Variants in PPM1D observed in about 807,000 individuals in gnomAD.
PPM1D encodes the protein protein phosphatase, Mg2+/Mn2+ dependent 1D.
Under a neutral mutation model 58.3 loss-of-function variants are expected in PPM1D, and 52 were observed. The observed-to-expected ratio is 0.89, with a 90% CI of 0.71 to 1.12. PPM1D has a LOEUF of 1.12. PPM1D is among the 50% of genes most tolerant of loss of function. The probability of loss-of-function intolerance (pLI) is 0.00; values close to 1 mark genes in which losing one functional copy is unlikely to be tolerated. For synonymous variants in PPM1D, 278 were observed against 285.1 expected (o/e 0.98, Z 0.25); for missense variants, 564 against 777.2 (o/e 0.73, Z 3.26).
rs777184643 is a variant in PPM1D at position 60,663,082 on chromosome 17, T to A, written c.1348T>A (p.Leu450Ile). ...VRSNAFSENF[L>I]EVSAEIAREN... Reference sequence around the variant, plus strand: ...TAGCAATGCCTTCTCAGAGAATTTTTTAGAGGTTTCAGCTGAGATAGCTCG... The same window carrying A: ...TAGCAATGCCTTCTCAGAGAATTTTATAGAGGTTTCAGCTGAGATAGCTCG... Residue 450 changes from leucine to isoleucine, a missense_variant, in exon 6 of 6, where the codon TTA becomes ATA. Coordinates refer to ENST00000305921, the MANE Select transcript of PPM1D (RefSeq NM_003620.4). The A allele has an allele frequency of 1.2e-6, 2 of 1,614,158 alleles. No individual in the cohort carries two copies. Among genetic ancestry groups the A allele is most frequent in the Non-Finnish European group, 1.7e-6 (2 of 1,179,984 alleles).
chr17:60,610,708 A>T (rs2030436968), intron 1 of PPM1D, among the ~76,000 whole-genome samples: 1 of 152,180 alleles, frequency 6.6e-6, no homozygotes, highest in Non-Finnish European at 1.5e-5. Flanking sequence ...AATAGTTGTG[A>T]CAGATACCAT....
chr17:60,612,424 A>G lies in PPM1D; in HGVS notation c.473-11097A>G, dbSNP rs181224398. Among the ~76,000 whole-genome samples the G allele has an allele frequency of 4.4e-3, 610 of 139,296 alleles. 3 individuals are homozygous for G. Among genetic ancestry groups the G allele is most frequent in the Middle Eastern group, 7.1e-3 (2 of 280 alleles). 91.4% of individuals were successfully genotyped at this position (139,296 alleles called of 152,430 possible). A position where few individuals can be genotyped will look rare whatever the true frequency, so the allele number is the denominator to read the frequency against. On this transcript the variant is annotated intron_variant, in intron 1 of 5. Coordinates refer to ENST00000305921, the MANE Select transcript of PPM1D (RefSeq NM_003620.4). ...ATAGCCTACTGCACACCTAGATTGT[A>G]TATAGCGTGTTGCTCCTAGGCTACA... is the stretch of plus-strand genomic sequence containing the variant.
rs570251198 is a variant in PPM1D at position 60,610,592 on chromosome 17, G to T, written c.472+9706G>T. Among the ~76,000 whole-genome samples the T allele has an allele frequency of 1.5e-3, 227 of 152,220 alleles. 1 individual carries two copies. Among genetic ancestry groups the T allele is most frequent in the African/African-American group, 5.2e-3 (217 of 41,506 alleles). On this transcript the variant is annotated intron_variant, in intron 1 of 5. Coordinates refer to ENST00000305921, the MANE Select transcript of PPM1D (RefSeq NM_003620.4). Reference sequence around the variant, plus strand: ...AAAGTAAAGCCTACAGGCCGCATTGGGCTACCACCAATTTTTGTAGATAAA... The same window carrying T: ...AAAGTAAAGCCTACAGGCCGCATTGTGCTACCACCAATTTTTGTAGATAAA...
At chr17:60,640,411 A>G (rs961293620) in intron 3 of PPM1D, among the ~76,000 whole-genome samples, 11 of 152,230 alleles carry the variant, frequency 7.2e-5, no homozygotes, top group African/African-American at 2.7e-4. Context: ...TTGTGGTAAT[A>G]TATGCTTAGC....
In PPM1D at chr17:60,600,722, T is replaced by C; in HGVS notation, c.308T>C (p.Val103Ala). 6.2e-7 allele frequency: 1 copy of C among 1,609,806 alleles called. No homozygotes were observed. Among genetic ancestry groups the C allele is most frequent in the Non-Finnish European group, 8.5e-7 (1 of 1,178,684 alleles). Residue 103 changes from valine (V) to alanine (A), a missense_variant, in exon 1 of 6, where the codon GTG becomes GCG. This residue lies in a region of PPM1D where 132 missense variants were observed against 150.4 expected (regional missense o/e 0.88). Transcript: ENST00000305921. ...CGTTCCTCCGTGGCCTTTTTCGCCG[T>C]GTGCGACGGGCACGGCGGGCGGGAG... ...RRRSSVAFFA[V>A]CDGHGGREAA...
chr17:60,655,824 C>T (rs1418359678), intron 4 of PPM1D, among the ~76,000 whole-genome samples: 1 of 151,812 alleles, frequency 6.6e-6, no homozygotes, highest in Non-Finnish European at 1.5e-5. Context: ...GCCTCAGCCT[C>T]CTGAGTAGCT....
chr17:60,661,143 T>G (rs773961657), intron 5 of PPM1D, among the ~76,000 whole-genome samples: 2 of 136,888 alleles, frequency 1.5e-5, no homozygotes, highest in Non-Finnish European at 3.0e-5. Context: ...CCCTTGAACC[T>G]GGGAGGCAGA....
chr17:60,658,789 C>G (rs1450360763), intron 5 of PPM1D, among the ~76,000 whole-genome samples: 1 of 151,874 alleles, frequency 6.6e-6, no homozygotes, highest in Non-Finnish European at 1.5e-5. Flanking sequence ...TGGTGAAACC[C>G]CATCTCTACT....
At chr17:60,621,143 G>A (rs966838772) in intron 1 of PPM1D, among the ~76,000 whole-genome samples, 1 of 151,804 alleles carries the variant, frequency 6.6e-6, no homozygotes, top group African/African-American at 2.4e-5. Flanking sequence ...GGTTGGTCTC[G>A]AACTCCTGAC....
intron 1 of PPM1D, among the ~76,000 whole-genome samples, chr17:60,609,560 G>C (rs1302184347): frequency 6.6e-6 from 1 of 152,110 alleles, no homozygotes; most frequent in Non-Finnish European, 1.5e-5. Context: ...TGTGCTGTTG[G>C]GAGTAGCATG....
chr17:60,624,230 G>T (rs949200085), intron 2 of PPM1D, among the ~76,000 whole-genome samples: 1 of 152,120 alleles, frequency 6.6e-6, no homozygotes, highest in Non-Finnish European at 1.5e-5. Flanking sequence ...AACTGAAATT[G>T]ATTTCAATTT....
chr17:60,648,840 T>G (rs922568143), intron 4 of PPM1D, among the ~76,000 whole-genome samples: 4 of 150,366 alleles, frequency 2.7e-5, no homozygotes, highest in African/African-American at 9.9e-5. Flanking sequence ...CTCAGCTCAC[T>G]CTAACCTCTG....
chr17:60,625,040 G>A (rs1447111123), intron 2 of PPM1D, among the ~76,000 whole-genome samples: 1 of 151,742 alleles, frequency 6.6e-6, no homozygotes, highest in African/African-American at 2.4e-5. Context: ...TATTCGGGAG[G>A]CTGAGGCAGG....
At chr17:60,635,590 G>A (rs999445723) in intron 3 of PPM1D, among the ~76,000 whole-genome samples, 21 of 152,054 alleles carry the variant, frequency 1.4e-4, no homozygotes, top group African/African-American at 2.7e-4. Context: ...TTTTTGTGTC[G>A]TAACACTCAC....
chr17:60,639,347 G>T, intron 3 of PPM1D, among the ~76,000 whole-genome samples: 1 of 152,026 alleles, frequency 6.6e-6, no homozygotes, highest in East Asian at 1.9e-4. Flanking sequence ...CCTAACCTCA[G>T]GTGATCTACC....
intron 5 of PPM1D, among the ~76,000 whole-genome samples, chr17:60,658,477 C>T (rs1282176300): frequency 2.7e-5 from 4 of 150,764 alleles, no homozygotes; most frequent in African/African-American, 4.9e-5. Flanking sequence ...GGAGATACCC[C>T]ATCTCTACTA....
chr17:60,662,930 A>T, intron 5 of PPM1D, 65 bp from the exon 6 acceptor site: 2 of 1,432,946 alleles, frequency 1.4e-6, no homozygotes, highest in South Asian at 1.3e-5. Flanking sequence ...CTAATATCAC[A>T]TGCATAGATT....
At chr17:60,622,138 C>G (rs189934135) in intron 1 of PPM1D, among the ~76,000 whole-genome samples, 1 of 149,982 alleles carries the variant, frequency 6.7e-6, no homozygotes, top group African/African-American at 2.5e-5. Flanking sequence ...TGCAGTGAGC[C>G]GAGATCATGC....
At position 60,648,202 on chromosome 17, in the gene PPM1D, C is replaced by G. The variant is rs575798091; in HGVS notation, c.1017+120C>G. 309 of 1,015,902 alleles carry G rather than the reference C, an allele frequency of 3.0e-4. 3 individuals carry two copies. In the African/African-American group the frequency reaches 4.6e-3, roughly 15 times the overall value. 62.9% of individuals were successfully genotyped at this position (1,015,902 alleles called of 1,614,324 possible). ...GGTAGATTTTTGCATTTGCCTTGAT[C>G]TGCTAGTGGGTAAAACATAGGCTTT... On this transcript the variant is annotated intron_variant, in intron 4 of 5. Transcript: ENST00000305921.
Sources: allele counts gnomAD v4.1 joint callset (sites outside exome capture counted in the v4.1 genomes callset), GRCh38; gene constraint gnomAD v4.1.1; regional missense constraint gnomAD v4.1.1; transcripts MANE v1.5; gene names NCBI Gene and HGNC (gene_info 2026-07-23, HGNC 2026-07-21).